Variants in ABTB3 observed in about 807,000 individuals in gnomAD.
The protein encoded by ABTB3 is ankyrin repeat and BTB domain containing 3, also known as ankyrin repeat- and BTB/POZ domain-containing protein 3.
At chr12:107,462,932 G>C in the ABTB3 span, among the ~76,000 whole-genome samples, 1 of 151,144 alleles carries the variant, frequency 6.6e-6, no homozygotes, top group Non-Finnish European at 1.5e-5. Flanking sequence ...GATGATGACT[G>C]TGGTGATGAC....
the ABTB3 span, among the ~76,000 whole-genome samples, chr12:107,608,658 C>T: frequency 6.6e-6 from 1 of 151,998 alleles, no homozygotes; most frequent in Non-Finnish European, 1.5e-5. Flanking sequence ...TTGCTTGAGG[C>T]CAGGAGTTCG....
the ABTB3 span, chr12:107,319,479 C>A: frequency 6.3e-7 from 1 of 1,599,898 alleles, no homozygotes; most frequent in Non-Finnish European, 8.5e-7. Flanking sequence ...CACTGTACGG[C>A]GGCTGCGCTG....
At chr12:107,420,203 C>T in the ABTB3 span, among the ~76,000 whole-genome samples, 1 of 152,162 alleles carries the variant, frequency 6.6e-6, no homozygotes, top group Admixed American at 6.5e-5. Flanking sequence ...CCGATGATGT[C>T]CTTCTTGATC....
the ABTB3 span, among the ~76,000 whole-genome samples, chr12:107,608,893 T>TAAATAAAATAAAATAAAATAAAATA: frequency 1.4e-3 from 114 of 84,250 alleles, 2 homozygotes; most frequent in Admixed American, 0.01. Flanking sequence ...TAAAATAAAA[T>TAAATAAAATAAAATAAAATAAAATA]AAATAAAATA....
chr12:107,353,901 C>T, the ABTB3 span, among the ~76,000 whole-genome samples: 24 of 152,210 alleles, frequency 1.6e-4, no homozygotes, highest in South Asian at 3.9e-3. Context: ...CACCTCCCCT[C>T]GTCCATGGAA....
At chr12:107,482,098 G>A in the ABTB3 span, among the ~76,000 whole-genome samples, 1 of 152,042 alleles carries the variant, frequency 6.6e-6, no homozygotes, top group Non-Finnish European at 1.5e-5. Flanking sequence ...GAGAGGGGTG[G>A]TCCTCCAGAG....
At chr12:107,473,036 C>T in the ABTB3 span, among the ~76,000 whole-genome samples, 4 of 152,126 alleles carry the variant, frequency 2.6e-5, no homozygotes, top group East Asian at 3.9e-4. Flanking sequence ...AGGGAACAGG[C>T]GAGGCCACAG....
chr12:107,519,689 G>T, the ABTB3 span, among the ~76,000 whole-genome samples: 1 of 152,140 alleles, frequency 6.6e-6, no homozygotes, highest in Admixed American at 6.5e-5. Context: ...TACTCTTCAG[G>T]CTTTTGACTC....
At chr12:107,345,335 C>T in the ABTB3 span, among the ~76,000 whole-genome samples, 1 of 152,322 alleles carries the variant, frequency 6.6e-6, no homozygotes, top group South Asian at 2.1e-4. Context: ...ATGCTCCATT[C>T]TCTGGCTTTG....
chr12:107,487,088 G>C, the ABTB3 span, among the ~76,000 whole-genome samples: 1 of 152,118 alleles, frequency 6.6e-6, no homozygotes, highest in South Asian at 2.1e-4. Context: ...TCTGTCCCCA[G>C]TTTTTCCTTG....
the ABTB3 span, among the ~76,000 whole-genome samples, chr12:107,604,278 C>A: frequency 3.9e-5 from 6 of 151,990 alleles, no homozygotes; most frequent in African/African-American, 1.4e-4. Flanking sequence ...GAAACTCTGT[C>A]CCTACTAAAA....
the ABTB3 span, among the ~76,000 whole-genome samples, chr12:107,645,065 C>T: frequency 1.3e-5 from 2 of 151,890 alleles, no homozygotes. Flanking sequence ...CTCCGCCTCC[C>T]GGGTTCAAGT....
At chr12:107,388,122 G>A in the ABTB3 span, among the ~76,000 whole-genome samples, 17 of 151,716 alleles carry the variant, frequency 1.1e-4, no homozygotes, top group Admixed American at 1.1e-3. Flanking sequence ...ATAGGCTCCC[G>A]CCACCACACC....
At chr12:107,538,262 A>C in the ABTB3 span, among the ~76,000 whole-genome samples, 38,794 of 152,144 alleles carry the variant, frequency 0.25, 5,254 homozygotes, top group Admixed American at 0.35. Flanking sequence ...CAGGCCAGTT[A>C]TTGGACTCAG....
chr12:107,643,222 AT>A, the ABTB3 span, among the ~76,000 whole-genome samples: 1 of 151,940 alleles, frequency 6.6e-6, no homozygotes, highest in East Asian at 1.9e-4. Context: ...CCTGAGCAAC[AT>A]GGCAAAACCC....
At chr12:107,463,343 A>G in the ABTB3 span, among the ~76,000 whole-genome samples, 3 of 151,986 alleles carry the variant, frequency 2.0e-5, no homozygotes, top group African/African-American at 7.3e-5. Flanking sequence ...GTTGATGATG[A>G]TGATGGTGGT....
At chr12:107,345,375 G>T in the ABTB3 span, among the ~76,000 whole-genome samples, 1 of 152,196 alleles carries the variant, frequency 6.6e-6, no homozygotes, top group Non-Finnish European at 1.5e-5. Flanking sequence ...AGTTTTATAG[G>T]ATTTGCCCAG....
At chr12:107,560,959 G>A in the ABTB3 span, among the ~76,000 whole-genome samples, 1 of 152,192 alleles carries the variant, frequency 6.6e-6, no homozygotes, top group Non-Finnish European at 1.5e-5. Context: ...ACCTGTGATG[G>A]CTTTCTCAGT....
chr12:107,555,491 CTTT>C, the ABTB3 span, among the ~76,000 whole-genome samples: 1 of 152,146 alleles, frequency 6.6e-6, no homozygotes, highest in Non-Finnish European at 1.5e-5. Context: ...ATGTCCAGGT[CTTT>C]TTGGAATCCA....
Sources: allele counts gnomAD v4.1 joint callset (sites outside exome capture counted in the v4.1 genomes callset), GRCh38; gene constraint gnomAD v4.1.1; transcripts MANE v1.5; gene names NCBI Gene and HGNC (gene_info 2026-07-23, HGNC 2026-07-21).